The following EFNA5 variants were observed in gnomAD, a reference collection of about 807,000 sequenced individuals.
The protein encoded by EFNA5 is ephrin-A5.
In EFNA5, 5 loss-of-function variants were observed where a neutral mutation model predicts 22.9. That is an observed-to-expected ratio of 0.22 (90% CI 0.11 to 0.46). The LOEUF (loss-of-function observed/expected upper bound fraction) is 0.46, where lower values mean the gene tolerates loss of function less well. Among genes scored for constraint, EFNA5 ranks in the 20% least tolerant of loss-of-function variants. The pLI, the probability that EFNA5 is intolerant of heterozygous loss-of-function variation, is 0.99. For synonymous variants in EFNA5, 113 were observed against 112.2 expected (o/e 1.01, Z -0.04); for missense variants, 237 against 293.3 (o/e 0.81, Z 1.40).
chr5:107,648,420 CT>C (rs1470311871), intron 1 of EFNA5, among the ~76,000 whole-genome samples: 4 of 152,146 alleles, frequency 2.6e-5, no homozygotes, highest in Non-Finnish European at 5.9e-5. Flanking sequence ...TCTTATTCTA[CT>C]TCTTACTTCC....
intron 1 of EFNA5, among the ~76,000 whole-genome samples, chr5:107,656,758 C>A (rs922765231): frequency 9.9e-5 from 15 of 151,814 alleles, no homozygotes; most frequent in Non-Finnish European, 8.8e-5. Flanking sequence ...TTTATTATAC[C>A]CATTTATTTA....
chr5:107,541,338 A>T (rs547026256), intron 1 of EFNA5, among the ~76,000 whole-genome samples: 32 of 152,362 alleles, frequency 2.1e-4, no homozygotes, highest in African/African-American at 7.5e-4. Flanking sequence ...AATAGCAATT[A>T]TCTATGTGTT....
chr5:107,646,993 AT>A (rs1649607901), intron 1 of EFNA5, among the ~76,000 whole-genome samples: 1 of 152,104 alleles, frequency 6.6e-6, no homozygotes, highest in Admixed American at 6.6e-5. Context: ...TATTAAGCAT[AT>A]TTTAAATAAC....
intron 1 of EFNA5, among the ~76,000 whole-genome samples, chr5:107,618,265 A>G (rs1749965015): frequency 6.6e-6 from 1 of 152,198 alleles, no homozygotes; most frequent in Non-Finnish European, 1.5e-5. Flanking sequence ...TAAAATCTTG[A>G]TGTATTTCTG....
intron 1 of EFNA5, among the ~76,000 whole-genome samples, chr5:107,484,656 C>T (rs1284717793): frequency 6.6e-6 from 1 of 152,198 alleles, no homozygotes; most frequent in African/African-American, 2.4e-5. Flanking sequence ...AGCTCTGCCA[C>T]TTTCCAGCTG....
At chr5:107,541,717 C>G (rs1164939424) in intron 1 of EFNA5, among the ~76,000 whole-genome samples, 1 of 152,092 alleles carries the variant, frequency 6.6e-6, no homozygotes, top group African/African-American at 2.4e-5. Context: ...TTTGAAGTAG[C>G]CCAAAGCTTA....
chr5:107,597,847 A>C (rs901749089), intron 1 of EFNA5, among the ~76,000 whole-genome samples: 2 of 152,206 alleles, frequency 1.3e-5, no homozygotes, highest in African/African-American at 4.8e-5. Context: ...TCAGCTGCTG[A>C]TAATGCGCTG....
intron 1 of EFNA5, among the ~76,000 whole-genome samples, chr5:107,461,643 A>G (rs963242487): frequency 1.1e-4 from 17 of 152,290 alleles, no homozygotes; most frequent in African/African-American, 3.8e-4. Context: ...CTGTAGGTCA[A>G]AAGTGTTAAT....
intron 2 of EFNA5, among the ~76,000 whole-genome samples, chr5:107,420,181 A>G (rs1394152122): frequency 6.6e-6 from 1 of 152,202 alleles, no homozygotes; most frequent in Non-Finnish European, 1.5e-5. Context: ...CCTTAAGAAT[A>G]TAGGAAATGG....
chr5:107,642,872 T>G (rs973160051), intron 1 of EFNA5, among the ~76,000 whole-genome samples: 1 of 150,566 alleles, frequency 6.6e-6, no homozygotes, highest in African/African-American at 2.5e-5. Flanking sequence ...AAATTATAGA[T>G]GAGAAGACAG....
intron 1 of EFNA5, among the ~76,000 whole-genome samples, chr5:107,620,110 C>T (rs1198643413): frequency 1.3e-5 from 2 of 152,172 alleles, no homozygotes; most frequent in Non-Finnish European, 2.9e-5. Context: ...CTAACAACTC[C>T]AGCTCTGTCA....
intron 2 of EFNA5, among the ~76,000 whole-genome samples, chr5:107,413,224 C>T (rs928749227): frequency 1.3e-5 from 2 of 150,656 alleles, no homozygotes; most frequent in South Asian, 4.1e-4. Context: ...TTAAAAGGAA[C>T]CTATGAAATA....
chr5:107,401,038 G>A (rs557078647), intron 2 of EFNA5, among the ~76,000 whole-genome samples: 4 of 152,262 alleles, frequency 2.6e-5, no homozygotes, highest in African/African-American at 9.6e-5. Flanking sequence ...AATCAATGAT[G>A]CATTTTTAGG....
intron 1 of EFNA5, among the ~76,000 whole-genome samples, chr5:107,449,248 G>A (rs192537372): frequency 3.9e-5 from 6 of 152,152 alleles, no homozygotes; most frequent in Admixed American, 2.6e-4. Flanking sequence ...CAAGTGAAGA[G>A]CAGCTATAAC....
At chr5:107,625,524 AAATT>A in intron 1 of EFNA5, among the ~76,000 whole-genome samples, 1 of 152,260 alleles carries the variant, frequency 6.6e-6, no homozygotes, top group Non-Finnish European at 1.5e-5. Flanking sequence ...TTCACATCTA[AAATT>A]ATTACTCTAA....
rs1440253651 is a variant in EFNA5, at chr5:107,491,404, C to T, written c.126-63895G>A. Among the ~76,000 whole-genome samples the T allele has an allele frequency of 4.6e-5, 7 of 152,232 alleles. No individual in the cohort carries two copies. The South Asian group carries it at 6.2e-4, about 14-fold the overall frequency. ...TCAGCTCACCACAACCTCTGCCTCC[C>T]GGGTTCAAGTGATTCTCCTGCCTCA... is the stretch of plus-strand genomic sequence containing the variant. On this transcript the variant is annotated intron_variant, in intron 1 of 4. Coordinates refer to ENST00000333274, the MANE Select transcript of EFNA5 (RefSeq NM_001962.3).
intron 1 of EFNA5, among the ~76,000 whole-genome samples, chr5:107,655,264 A>G (rs1169066362): frequency 1.3e-5 from 2 of 152,166 alleles, no homozygotes; most frequent in Non-Finnish European, 2.9e-5. Flanking sequence ...TCAAACTTGA[A>G]ATAAACTCAT....
chr5:107,467,920 G>C (rs1750034656), intron 1 of EFNA5, among the ~76,000 whole-genome samples: 1 of 152,066 alleles, frequency 6.6e-6, no homozygotes, highest in Admixed American at 6.6e-5. Flanking sequence ...TCAAAATCAG[G>C]CTTAGGGTTT....
chr5:107,384,683 C>T (rs954430090), intron 4 of EFNA5, among the ~76,000 whole-genome samples: 1 of 151,652 alleles, frequency 6.6e-6, no homozygotes, highest in African/African-American at 2.4e-5. Flanking sequence ...GTGATCATAG[C>T]TCACTGTAGC....
Sources: gnomAD v4.1 joint callset for allele counts (sites outside exome capture counted in the v4.1 genomes callset) on GRCh38, gnomAD v4.1.1 for gene constraint, MANE v1.5 for transcripts, NCBI Gene and HGNC (gene_info 2026-07-23, HGNC 2026-07-21) for gene names.